The following CSMD1 variants were observed in gnomAD, a reference collection of about 807,000 sequenced individuals.
CSMD1 encodes CUB and sushi domain-containing protein 1.
Under a neutral mutation model 417.5 loss-of-function variants are expected in CSMD1, and 213 were observed. The observed-to-expected ratio is 0.51, with a 90% CI of 0.46 to 0.57. The LOEUF (loss-of-function observed/expected upper bound fraction) is 0.57, where lower values mean the gene tolerates loss of function less well. Ranked by LOEUF, CSMD1 falls within the 20% of genes least tolerant of loss-of-function variation. The probability of loss-of-function intolerance (pLI) is 0.00; values close to 1 mark genes in which losing one functional copy is unlikely to be tolerated. For synonymous variants in CSMD1, 2,862 were observed against 1,736.8 expected, an observed-to-expected ratio of 1.65 and a Z score of -16.11; for missense variants, 6,923 against 4,529.7, an observed-to-expected ratio of 1.53 and a Z score of -15.17.
At chr8:3,260,961 T>TA in intron 26 of CSMD1, among the ~76,000 whole-genome samples, 1 of 151,566 alleles carries the variant, frequency 6.6e-6, no homozygotes, top group South Asian at 2.1e-4. Context: ...TAAAGAAAAA[T>TA]AAAATCCCAT....
intron 3 of CSMD1, among the ~76,000 whole-genome samples, chr8:4,084,141 T>G (rs1431364792): frequency 6.6e-6 from 1 of 152,200 alleles, no homozygotes; most frequent in East Asian, 1.9e-4. Context: ...ATGACTAAAT[T>G]ATTTTTATAA....
chr8:4,617,456 T>C (rs749027484), intron 2 of CSMD1, among the ~76,000 whole-genome samples: 10 of 152,150 alleles, frequency 6.6e-5, no homozygotes, highest in Non-Finnish European at 1.0e-4. Context: ...GTAAGGCAAA[T>C]GCCTTGCCAG....
intron 2 of CSMD1, among the ~76,000 whole-genome samples, chr8:4,455,764 C>G (rs1202115529): frequency 1.3e-5 from 2 of 151,160 alleles, no homozygotes; most frequent in East Asian, 2.0e-4. Flanking sequence ...AACCCCGTCT[C>G]TACTAAAAAT....
intron 2 of CSMD1, among the ~76,000 whole-genome samples, chr8:4,471,929 G>A (rs1445773116): frequency 1.3e-5 from 2 of 152,078 alleles, no homozygotes; most frequent in African/African-American, 4.8e-5. Flanking sequence ...AAATAACAGG[G>A]ACTTTATAGA....
intron 12 of CSMD1, among the ~76,000 whole-genome samples, chr8:3,440,508 A>C (rs1439226278): frequency 6.6e-6 from 1 of 152,204 alleles, no homozygotes; most frequent in Non-Finnish European, 1.5e-5. Context: ...TATCCTGTGA[A>C]GTCACCAAAC....
chr8:3,585,570 A>G (rs1297519242), intron 9 of CSMD1, among the ~76,000 whole-genome samples: 1 of 152,198 alleles, frequency 6.6e-6, no homozygotes, highest in Non-Finnish European at 1.5e-5. Context: ...GCAGTAAAAA[A>G]TAAGTAATTT....
rs149596331 is a variant in CSMD1, at chr8:3,588,068, T to C, written c.1098-1808A>G. Among the ~76,000 whole-genome samples, 456 of 151,162 alleles carry C rather than the reference T, an allele frequency of 3.0e-3. 3 individuals are homozygous for C. The highest frequency in any genetic ancestry group is 0.01 in the African/African-American group (410 of 40,516). On this transcript the variant is annotated intron_variant, in intron 8 of 69. Coordinates refer to ENST00000635120, the MANE Select transcript of CSMD1 (RefSeq NM_033225.6). ...ATCATTGGTCTGTGTTTAAACCTCA[T>C]TTAAGAAATTTTCTTTTAAAAAATT...
chr8:2,954,264 T>C lies in CSMD1; in HGVS notation c.9999A>G (p.Lys3333=). Residue 3333 remains lysine (K), a synonymous_variant, in exon 65 of 70, where the codon AAA becomes AAG. Coordinates refer to ENST00000635120, the MANE Select transcript of CSMD1 (RefSeq NM_033225.6). ...CTGTTTCATTAACTTCTCTCACTCC[T>C]TTACCTACAAGTAAAAAGACAAATT... ...WTGKSPVCKS[K]GVREVNETVT... 1 of 1,474,474 alleles carries C rather than the reference T, an allele frequency of 6.8e-7. No homozygotes were observed. Among genetic ancestry groups the C allele is most frequent in the Non-Finnish European group, 9.2e-7 (1 of 1,086,320 alleles). 91.3% of individuals were successfully genotyped at this position (1,474,474 alleles called of 1,614,324 possible).
intron 5 of CSMD1, among the ~76,000 whole-genome samples, chr8:3,901,863 T>C (rs1344485119): frequency 6.6e-6 from 1 of 152,224 alleles, no homozygotes; most frequent in Non-Finnish European, 1.5e-5. Flanking sequence ...TATTATACTG[T>C]ACTCTTCTCT....
At chr8:4,345,085 G>A (rs1420265792) in intron 3 of CSMD1, among the ~76,000 whole-genome samples, 1 of 152,148 alleles carries the variant, frequency 6.6e-6, no homozygotes, top group Non-Finnish European at 1.5e-5. Flanking sequence ...GGCTTAGAAA[G>A]AGGAGAAATG....
At chr8:3,467,161 T>C (rs1056860576) in intron 12 of CSMD1, among the ~76,000 whole-genome samples, 4 of 152,176 alleles carry the variant, frequency 2.6e-5, no homozygotes, top group African/African-American at 7.2e-5. Flanking sequence ...ATATGACACA[T>C]AGAAGAATGT....
chr8:4,434,891 C>T (rs1223551678), intron 2 of CSMD1, among the ~76,000 whole-genome samples: 2 of 152,170 alleles, frequency 1.3e-5, no homozygotes, highest in African/African-American at 2.4e-5. Flanking sequence ...CAAGAAAATG[C>T]TGTATTTTGT....
intron 26 of CSMD1, among the ~76,000 whole-genome samples, chr8:3,282,395 G>A (rs1360988216): frequency 6.6e-6 from 1 of 152,110 alleles, no homozygotes; most frequent in East Asian, 1.9e-4. Context: ...TGAAAAAAAT[G>A]CCTGGAGAAT....
intron 1 of CSMD1, among the ~76,000 whole-genome samples, chr8:4,820,397 G>A (rs776456695): frequency 2.6e-5 from 4 of 152,152 alleles, no homozygotes; most frequent in Non-Finnish European, 5.9e-5. Context: ...AATAGAGCTT[G>A]CTTGGCAATT....
chr8:3,479,341 C>T (rs572464444), intron 11 of CSMD1, among the ~76,000 whole-genome samples: 2 of 152,252 alleles, frequency 1.3e-5, no homozygotes, highest in African/African-American at 4.8e-5. Context: ...AGTGCAGTGG[C>T]ATGATCTTGG....
intron 7 of CSMD1, among the ~76,000 whole-genome samples, chr8:3,706,326 C>T (rs1271984311): frequency 1.3e-5 from 2 of 152,356 alleles, no homozygotes; most frequent in East Asian, 1.9e-4. Flanking sequence ...CTATTGAATG[C>T]TTGCCTGTCG....
intron 6 of CSMD1, among the ~76,000 whole-genome samples, chr8:3,734,215 C>T (rs1013096348): frequency 6.6e-6 from 1 of 152,212 alleles, no homozygotes; most frequent in South Asian, 2.1e-4. Flanking sequence ...CTGCATTTCA[C>T]GATGAGAATG....
chr8:4,390,313 T>A (rs531435317), intron 3 of CSMD1, among the ~76,000 whole-genome samples: 122 of 152,174 alleles, frequency 8.0e-4, no homozygotes, highest in African/African-American at 2.9e-3. Flanking sequence ...TTATTGAAGT[T>A]AATTGGGAAA....
intron 3 of CSMD1, among the ~76,000 whole-genome samples, chr8:4,068,431 A>T (rs7834943): frequency 2.0e-5 from 3 of 152,002 alleles, no homozygotes; most frequent in African/African-American, 7.3e-5. Flanking sequence ...ACGGTTACAG[A>T]AAATTAAATG....
Sources: allele counts gnomAD v4.1 joint callset (sites outside exome capture counted in the v4.1 genomes callset), GRCh38; gene constraint gnomAD v4.1.1; transcripts MANE v1.5; gene names NCBI Gene and HGNC (gene_info 2026-07-23, HGNC 2026-07-21).